Variants in CACNB4 observed in about 807,000 individuals in gnomAD.
CACNB4 encodes voltage-dependent L-type calcium channel subunit beta-4.
CACNB4 carries 32 observed loss-of-function variants against 71.2 expected under a neutral mutation model. The ratio of observed to expected loss-of-function variants is 0.45; its 90% CI spans 0.34 to 0.60. The LOEUF (loss-of-function observed/expected upper bound fraction) is 0.60, where lower values mean the gene tolerates loss of function less well. Ranked by LOEUF, CACNB4 falls within the 20% of genes least tolerant of loss-of-function variation. The pLI, the probability that CACNB4 is intolerant of heterozygous loss-of-function variation, is 0.01. For missense variants in CACNB4, 464 were observed against 647.9 expected (o/e 0.72, Z 3.08); for synonymous variants, 231 against 236.9 (o/e 0.97, Z 0.23).
chr2:151,997,661 C>T (rs1221980840), intron 2 of CACNB4, among the ~76,000 whole-genome samples: 1 of 152,134 alleles, frequency 6.6e-6, no homozygotes, highest in African/African-American at 2.4e-5. Flanking sequence ...GGCCACCAGA[C>T]GCTGGAAGGT....
intron 12 of CACNB4, among the ~76,000 whole-genome samples, chr2:151,844,552 C>G (rs537250457): frequency 6.6e-6 from 1 of 152,134 alleles, no homozygotes; most frequent in African/African-American, 2.4e-5. Context: ...CTAAAGTAAC[C>G]CAAGGGAATT....
chr2:151,976,043 T>C (rs1311073041), intron 2 of CACNB4, among the ~76,000 whole-genome samples: 2 of 152,222 alleles, frequency 1.3e-5, no homozygotes, highest in Non-Finnish European at 2.9e-5. Context: ...AAGGAAGTTT[T>C]AAAGAGCAGG....
intron 2 of CACNB4, among the ~76,000 whole-genome samples, chr2:151,950,861 T>C (rs2099866754): frequency 6.6e-6 from 1 of 152,222 alleles, no homozygotes; most frequent in Non-Finnish European, 1.5e-5. Context: ...TTTGGAGTGA[T>C]GAAAATGCTT....
chr2:152,026,045 C>G lies in CACNB4; in HGVS notation c.147+72285G>C, dbSNP rs1376379999. On this transcript the variant is annotated intron_variant, in intron 2 of 13. Transcript: ENST00000539935. ...CTGATGCAGCCGACACCTCTGGAGG[C>G]GCAGGGCCGAGGCCACCACAAGTCA... 2.0e-5 allele frequency among the ~76,000 whole-genome samples: 3 copies of G among 152,228 alleles called. No homozygotes were observed. The East Asian group carries it at 5.8e-4, about 29-fold the overall frequency.
chr2:152,016,693 T>A (rs1288629784), intron 2 of CACNB4, among the ~76,000 whole-genome samples: 1 of 152,254 alleles, frequency 6.6e-6, no homozygotes, highest in Non-Finnish European at 1.5e-5. Flanking sequence ...CAGGCATGCA[T>A]GTCTACGTTT....
At chr2:152,024,114 G>A (rs1255801843) in intron 2 of CACNB4, among the ~76,000 whole-genome samples, 3 of 152,166 alleles carry the variant, frequency 2.0e-5, no homozygotes, top group South Asian at 4.1e-4. Context: ...GAGGCCAGGA[G>A]GTCAAGACCA....
chr2:151,918,727 A>G (rs1219918760), intron 2 of CACNB4, among the ~76,000 whole-genome samples: 1 of 152,190 alleles, frequency 6.6e-6, no homozygotes, highest in Non-Finnish European at 1.5e-5. Flanking sequence ...GCTGCTTATG[A>G]ATTCTCCTCC....
At chr2:151,923,161 C>T (rs1367637671) in intron 2 of CACNB4, among the ~76,000 whole-genome samples, 1 of 152,202 alleles carries the variant, frequency 6.6e-6, no homozygotes, top group Non-Finnish European at 1.5e-5. Context: ...AACAACTATG[C>T]TCAACCAAAC....
chr2:151,935,665 T>C (rs971458528), intron 2 of CACNB4, among the ~76,000 whole-genome samples: 16 of 152,016 alleles, frequency 1.1e-4, no homozygotes, highest in African/African-American at 3.9e-4. Context: ...GATGCTGAAC[T>C]CACTCAAGAA....
chr2:152,058,361 C>T (rs948168627), intron 2 of CACNB4, among the ~76,000 whole-genome samples: 3 of 152,172 alleles, frequency 2.0e-5, no homozygotes, highest in Non-Finnish European at 4.4e-5. Flanking sequence ...GTTTGGAGGG[C>T]TCCGAAGAAG....
At chr2:152,072,172 C>T (rs1298259093) in intron 2 of CACNB4, among the ~76,000 whole-genome samples, 1 of 152,198 alleles carries the variant, frequency 6.6e-6, no homozygotes, top group African/African-American at 2.4e-5. Flanking sequence ...ACTCCTTTTG[C>T]CTGGAGCAGT....
intron 2 of CACNB4, among the ~76,000 whole-genome samples, chr2:151,994,218 A>AG (rs1202759187): frequency 6.6e-6 from 1 of 151,968 alleles, no homozygotes; most frequent in Non-Finnish European, 1.5e-5. Flanking sequence ...TCTGGAATCC[A>AG]GAAAAAAAGG....
chr2:151,983,473 C>T (rs1023834973), intron 2 of CACNB4, among the ~76,000 whole-genome samples: 2 of 152,094 alleles, frequency 1.3e-5, no homozygotes, highest in African/African-American at 4.8e-5. Context: ...TGCCAATTCT[C>T]AGAAGTGATT....
At chr2:151,928,711 G>A (rs993254765) in intron 2 of CACNB4, among the ~76,000 whole-genome samples, 1 of 152,102 alleles carries the variant, frequency 6.6e-6, no homozygotes, top group African/African-American at 2.4e-5. Context: ...ATCACTTTGA[G>A]TTCAGGAGTT....
intron 2 of CACNB4, among the ~76,000 whole-genome samples, chr2:152,075,348 T>C (rs908805229): frequency 2.0e-5 from 3 of 152,098 alleles, no homozygotes; most frequent in Non-Finnish European, 4.4e-5. Context: ...TCACTGTCAA[T>C]GGGAGAGAGA....
At chr2:151,922,419 T>C (rs2099859215) in intron 2 of CACNB4, among the ~76,000 whole-genome samples, 1 of 152,118 alleles carries the variant, frequency 6.6e-6, no homozygotes, top group African/African-American at 2.4e-5. Context: ...CCCAGGCTGG[T>C]CTTGAACTCC....
At chr2:151,865,258 C>T (rs969668788) in intron 9 of CACNB4, among the ~76,000 whole-genome samples, 3 of 152,168 alleles carry the variant, frequency 2.0e-5, no homozygotes, top group Non-Finnish European at 4.4e-5. Context: ...TAAATACTAT[C>T]GCTTTGAGTC....
chr2:152,053,105 G>A (rs1385030912), intron 2 of CACNB4, among the ~76,000 whole-genome samples: 2 of 152,156 alleles, frequency 1.3e-5, no homozygotes, highest in Non-Finnish European at 2.9e-5. Context: ...TGGAACTATA[G>A]TTTTGAATAT....
chr2:152,035,207 T>C (rs2105211211), intron 2 of CACNB4, among the ~76,000 whole-genome samples: 1 of 152,342 alleles, frequency 6.6e-6, no homozygotes, highest in East Asian at 1.9e-4. Flanking sequence ...AAACGGATGA[T>C]TTTCTTTTGT....
Sources: allele counts gnomAD v4.1 joint callset (sites outside exome capture counted in the v4.1 genomes callset), GRCh38; gene constraint gnomAD v4.1.1; transcripts MANE v1.5; gene names NCBI Gene and HGNC (gene_info 2026-07-23, HGNC 2026-07-21).